Variants in YPEL1 observed in about 807,000 individuals in gnomAD.
The protein encoded by YPEL1 is protein yippee-like 1.
In YPEL1, 7 loss-of-function variants were observed where a neutral mutation model predicts 17.3. The observed-to-expected ratio is 0.40, with a 90% CI of 0.23 to 0.76. YPEL1 has a LOEUF of 0.76. Among genes scored for constraint, YPEL1 ranks in the 30% least tolerant of loss-of-function variants. YPEL1 has a pLI of 0.35. For synonymous variants in YPEL1, 59 were observed against 59.6 expected, an observed-to-expected ratio of 0.99 and a Z score of 0.05; for missense variants, 91 against 155.5, an observed-to-expected ratio of 0.59 and a Z score of 2.21.
At chr22:21,727,812 C>T (rs1210184269) in intron 1 of YPEL1, among the ~76,000 whole-genome samples, 1 of 152,132 alleles carries the variant, frequency 6.6e-6, no homozygotes, top group African/African-American at 2.4e-5. Context: ...TCCCCTCAAT[C>T]CCCAGGCTGC....
intron 1 of YPEL1, among the ~76,000 whole-genome samples, chr22:21,724,140 C>A (rs1464286561): frequency 6.6e-6 from 1 of 152,222 alleles, no homozygotes; most frequent in East Asian, 1.9e-4. Flanking sequence ...AGCACAGCAG[C>A]AGTTCCTCTT....
chr22:21,715,829 T>C (rs1431503998), intron 1 of YPEL1, among the ~76,000 whole-genome samples: 1 of 140,690 alleles, frequency 7.1e-6, no homozygotes, highest in Admixed American at 7.1e-5. Context: ...AATGGCACGA[T>C]CTTGGCTCAC....
chr22:21,707,188 T>C (rs2148598665), intron 2 of YPEL1, among the ~76,000 whole-genome samples: 1 of 152,192 alleles, frequency 6.6e-6, no homozygotes, highest in African/African-American at 2.4e-5. Flanking sequence ...GAGGCCAAAG[T>C]GGGAGGATCA....
rs1045681 is a variant in YPEL1 at position 21,698,525 on chromosome 22, A to G, written c.*2604T>C. The G allele has an allele frequency of 0.33, 50,725 of 152,290 alleles. 8,738 individuals carry two copies. Among genetic ancestry groups the G allele is most frequent in the Non-Finnish European group, 0.38 (26,008 of 67,998 alleles). 9.4% of individuals were successfully genotyped at this position (152,290 alleles called of 1,614,324 possible). A position where few individuals can be genotyped will look rare whatever the true frequency, so the allele number is the denominator to read the frequency against. On this transcript the variant is annotated 3_prime_UTR_variant, in exon 5 of 5. Transcript: ENST00000339468. Reference sequence around the variant, plus strand: ...CCCGTGGCAGGCTGGGGACGGCACGAACCTCCAACTGTTTCCCCTAGTCCC... The same window carrying G: ...CCCGTGGCAGGCTGGGGACGGCACGGACCTCCAACTGTTTCCCCTAGTCCC...
chr22:21,733,623 A>G (rs909402502), intron 1 of YPEL1, among the ~76,000 whole-genome samples: 8 of 149,846 alleles, frequency 5.3e-5, no homozygotes, highest in African/African-American at 2.0e-4. Context: ...AGCTACTCAG[A>G]AGGCAGGTGG....
chr22:21,697,558 C>CT lies in YPEL1; in HGVS notation c.*3570dup, dbSNP rs1555901984. 2 of 155,936 alleles carry CT rather than the reference C, an allele frequency of 1.3e-5. No individual in the cohort carries two copies. The highest frequency in any genetic ancestry group is 4.8e-5 in the African/African-American group (2 of 41,458). 9.7% of individuals were successfully genotyped at this position (155,936 alleles called of 1,614,324 possible). ...CGATTTAAACATTTGACATCAGAAG[C>CT]TTTATTTGTAAACCTCACACAGATA... On this transcript the variant is annotated 3_prime_UTR_variant, in exon 5 of 5. Transcript: ENST00000339468.
chr22:21,715,911 C>T (rs571453840), intron 1 of YPEL1, among the ~76,000 whole-genome samples: 13 of 152,132 alleles, frequency 8.5e-5, no homozygotes, highest in Middle Eastern at 3.4e-3. Flanking sequence ...TACAGGCATG[C>T]GCCACCACAC....
chr22:21,711,705 C>T (rs758177630), intron 1 of YPEL1, among the ~76,000 whole-genome samples: 1 of 152,104 alleles, frequency 6.6e-6, no homozygotes, highest in Admixed American at 6.5e-5. Flanking sequence ...TACCTAACAC[C>T]GTATACAAAT....
chr22:21,702,620 AC>A (rs1182199115), intron 4 of YPEL1, among the ~76,000 whole-genome samples: 4 of 152,132 alleles, frequency 2.6e-5, no homozygotes, highest in African/African-American at 7.2e-5. Flanking sequence ...CAAAAAACAA[AC>A]AAAACAACAA....
chr22:21,722,572 G>A (rs1331165569), intron 1 of YPEL1, among the ~76,000 whole-genome samples: 7 of 151,186 alleles, frequency 4.6e-5, no homozygotes, highest in African/African-American at 9.7e-5. Flanking sequence ...AGCCGACATC[G>A]TGCCACTGCA....
chr22:21,719,816 A>G (rs925168881), intron 1 of YPEL1, among the ~76,000 whole-genome samples: 2 of 152,082 alleles, frequency 1.3e-5, no homozygotes, highest in Non-Finnish European at 2.9e-5. Flanking sequence ...TCATGAGGTC[A>G]GGAGTTCAAG....
chr22:21,712,541 A>T (rs1021256133), intron 1 of YPEL1, among the ~76,000 whole-genome samples: 15 of 151,898 alleles, frequency 9.9e-5, no homozygotes, highest in African/African-American at 3.6e-4. Context: ...CCTAGTCAAC[A>T]TGGCGAAACC....
At chr22:21,732,927 C>G (rs1332841257) in intron 1 of YPEL1, among the ~76,000 whole-genome samples, 1 of 151,902 alleles carries the variant, frequency 6.6e-6, no homozygotes, top group African/African-American at 2.4e-5. Flanking sequence ...ACAGTGAGAA[C>G]CCCAAACCTC....
At chr22:21,735,465 G>C (rs551607888) in intron 1 of YPEL1, 150 bp downstream of exon 1, 1 of 152,160 alleles carries the variant, frequency 6.6e-6, no homozygotes, top group Non-Finnish European at 1.5e-5. Flanking sequence ...ATCCAAAACG[G>C]AACAAAAAAG....
chr22:21,732,191 C>T (rs2068394244), intron 1 of YPEL1, among the ~76,000 whole-genome samples: 1 of 152,208 alleles, frequency 6.6e-6, no homozygotes, highest in Non-Finnish European at 1.5e-5. Flanking sequence ...ATCGATTTCA[C>T]CCTCTTGACT....
intron 2 of YPEL1, among the ~76,000 whole-genome samples, chr22:21,705,929 A>G (rs938365645): frequency 6.6e-6 from 1 of 152,072 alleles, no homozygotes; most frequent in African/African-American, 2.4e-5. Context: ...CAGGATTTTA[A>G]GACAAGCCTG....
intron 1 of YPEL1, among the ~76,000 whole-genome samples, chr22:21,714,042 C>A (rs2068197332): frequency 6.6e-6 from 1 of 152,054 alleles, no homozygotes; most frequent in African/African-American, 2.4e-5. Flanking sequence ...ATGCACCCCC[C>A]ACCGCCCCCC....
At chr22:21,720,011 C>CAAAAA (rs112623506) in intron 1 of YPEL1, among the ~76,000 whole-genome samples, 1 of 112,934 alleles carries the variant, frequency 8.9e-6, no homozygotes, top group Non-Finnish European at 1.8e-5. Context: ...GACTCCATCT[C>CAAAAA]AAAAAAAAAA....
At chr22:21,704,783 G>T (rs968208167) in intron 2 of YPEL1, among the ~76,000 whole-genome samples, 1 of 151,874 alleles carries the variant, frequency 6.6e-6, no homozygotes, top group Non-Finnish European at 1.5e-5. Flanking sequence ...GTATATTCAC[G>T]TATGCTAAGA....
Sources: gnomAD v4.1 joint callset for allele counts (sites outside exome capture counted in the v4.1 genomes callset) on GRCh38, gnomAD v4.1.1 for gene constraint, MANE v1.5 for transcripts, NCBI Gene and HGNC (gene_info 2026-07-23, HGNC 2026-07-21) for gene names.